The following SEMA6A variants were observed in gnomAD, a reference collection of about 807,000 sequenced individuals.
SEMA6A encodes the protein semaphorin-6A.
SEMA6A carries 25 observed loss-of-function variants against 96.8 expected under a neutral mutation model. The observed-to-expected ratio is 0.26, with a 90% CI of 0.19 to 0.36. SEMA6A has a LOEUF of 0.36. Among genes scored for constraint, SEMA6A ranks in the 10% least tolerant of loss-of-function variants. The pLI, the probability that SEMA6A is intolerant of heterozygous loss-of-function variation, is 1.00. For synonymous variants in SEMA6A, 612 were observed against 518.0 expected, an observed-to-expected ratio of 1.18 and a Z score of -2.46; for missense variants, 1,363 against 1,323.1, an observed-to-expected ratio of 1.03 and a Z score of -0.47.
At chr5:116,473,902 C>A (rs1756304094) in intron 16 of SEMA6A, among the ~76,000 whole-genome samples, 1 of 152,086 alleles carries the variant, frequency 6.6e-6, no homozygotes, top group African/African-American at 2.4e-5. Context: ...AGTGCCTCCG[C>A]AAGAGTGGGG....
chr5:116,487,075 ACTGTTTCT>A, intron 9 of SEMA6A, 109 bp from the exon 10 acceptor site: 1 of 720,410 alleles, frequency 1.4e-6, no homozygotes, highest in South Asian at 1.8e-5. Context: ...GGTGCTTAAT[ACTGTTTCT>A]AAAATCAGTA....
At position 116,488,985 on chromosome 5, in the gene SEMA6A, T is replaced by C. The variant is rs1336146930; in HGVS notation, c.558A>G (p.Thr186=). 3 of 1,574,996 alleles carry C rather than the reference T, an allele frequency of 1.9e-6. No homozygotes were observed. Among genetic ancestry groups the C allele is most frequent in the Admixed American group, 1.8e-5 (1 of 54,486 alleles). The change falls in exon 8 of 19, where the codon ACA becomes ACG. Residue 186 remains threonine, a synonymous_variant. Transcript: ENST00000343348. ...LFADGKLYSA[T]VTDFLAIDAV... ...CGTCAATGGCAAGGAAGTCAGTCAC[T>C]GTGGCTGAGTATAGTTTTCCATCTT...
intron 4 of SEMA6A, among the ~76,000 whole-genome samples, chr5:116,496,532 T>C (rs1376439693): frequency 6.6e-6 from 1 of 152,204 alleles, no homozygotes; most frequent in Non-Finnish European, 1.5e-5. Context: ...CACAAAATGG[T>C]CTTCTTCTGT....
intron 18 of SEMA6A, among the ~76,000 whole-genome samples, chr5:116,455,130 A>AT (rs1241695526): frequency 5.9e-5 from 9 of 152,166 alleles, no homozygotes; most frequent in South Asian, 2.1e-4. Flanking sequence ...ATTCTATTTC[A>AT]TTTTTTTAGA....
intron 1 of SEMA6A, among the ~76,000 whole-genome samples, chr5:116,532,296 G>T (rs927654973): frequency 6.6e-6 from 1 of 152,128 alleles, no homozygotes; most frequent in South Asian, 2.1e-4. Context: ...AGAAGCAACT[G>T]GGGGCCTTCG....
intron 1 of SEMA6A, among the ~76,000 whole-genome samples, chr5:116,563,101 C>A (rs1455790790): frequency 6.6e-6 from 1 of 152,116 alleles, no homozygotes; most frequent in Non-Finnish European, 1.5e-5. Flanking sequence ...TACAATATTC[C>A]CTAGTTGCTA....
In SEMA6A at chr5:116,458,321, G is replaced by A. The variant is rs1755146612; in HGVS notation, c.1894+9262C>T. Among the ~76,000 whole-genome samples the A allele has an allele frequency of 4.6e-5, 7 of 152,268 alleles. No homozygotes were observed. In the South Asian group the frequency reaches 1.5e-3, roughly 32 times the overall value. On this transcript the variant is annotated intron_variant, in intron 18 of 18. Transcript: ENST00000343348. ...TGTTAATAAGATCACACTTAACCTA[G>A]TCCCCGTAGTCCTTGAAAGTTCCAT... is the stretch of plus-strand genomic sequence containing the variant.
chr5:116,565,462 C>T (rs544677564), intron 1 of SEMA6A, among the ~76,000 whole-genome samples: 1 of 152,332 alleles, frequency 6.6e-6, no homozygotes, highest in African/African-American at 2.4e-5. Flanking sequence ...CTAGGGCCAT[C>T]ATTCATGATA....
At chr5:116,566,367 TAAAAG>T (rs1761029328) in intron 1 of SEMA6A, among the ~76,000 whole-genome samples, 1 of 152,206 alleles carries the variant, frequency 6.6e-6, no homozygotes, top group South Asian at 2.1e-4. Context: ...CTAGGAATAT[TAAAAG>T]AAAGCTTCAA....
chr5:116,550,220 T>C (rs1017714529), intron 1 of SEMA6A: 3 of 152,218 alleles, frequency 2.0e-5, no homozygotes, highest in Non-Finnish European at 4.4e-5. Context: ...GCATCCTTGG[T>C]TTTTATTTTA....
At chr5:116,474,278 G>GCGCACACACACA (rs1554083459) in intron 16 of SEMA6A, among the ~76,000 whole-genome samples, 1 of 147,300 alleles carries the variant, frequency 6.8e-6, no homozygotes, top group Non-Finnish European at 1.5e-5. Flanking sequence ...GTGCACGCAT[G>GCGCACACACACA]CACACACACA....
At chr5:116,458,011 A>C (rs1755125744) in intron 18 of SEMA6A, among the ~76,000 whole-genome samples, 1 of 152,140 alleles carries the variant, frequency 6.6e-6, no homozygotes, top group Non-Finnish European at 1.5e-5. Context: ...TTCTCAGGAA[A>C]TTACCTGATT....
chr5:116,566,308 T>C (rs954470252), intron 1 of SEMA6A, among the ~76,000 whole-genome samples: 1 of 152,222 alleles, frequency 6.6e-6, no homozygotes, highest in African/African-American at 2.4e-5. Context: ...TTGAATTTAA[T>C]GTTCTACAGA....
chr5:116,558,445 A>ATT (rs1394445548), intron 1 of SEMA6A, among the ~76,000 whole-genome samples: 1 of 49,442 alleles, frequency 2.0e-5, no homozygotes, highest in Non-Finnish European at 5.2e-5. Flanking sequence ...TCATTTAAGG[A>ATT]TTCTTTTTTT....
intron 1 of SEMA6A, among the ~76,000 whole-genome samples, chr5:116,520,167 C>G (rs1386485671): frequency 1.3e-5 from 2 of 152,088 alleles, no homozygotes. Context: ...ACTTTCTGCT[C>G]TCTCACCTTG....
At chr5:116,471,389 G>GT (rs1355213437) in intron 17 of SEMA6A, 1 of 152,100 alleles carries the variant, frequency 6.6e-6, no homozygotes, top group Non-Finnish European at 1.5e-5. Context: ...ATTGGTCTTG[G>GT]TATGATTGAT....
intron 1 of SEMA6A, among the ~76,000 whole-genome samples, chr5:116,532,546 C>T (rs6890131): frequency 0.082 from 12,443 of 151,982 alleles, 862 homozygotes; most frequent in African/African-American, 0.19. Context: ...TCTGATCCCT[C>T]CCCCCCAGTC....
At chr5:116,493,017 C>T (rs895193151) in intron 6 of SEMA6A, among the ~76,000 whole-genome samples, 1 of 152,192 alleles carries the variant, frequency 6.6e-6, no homozygotes, top group Non-Finnish European at 1.5e-5. Flanking sequence ...ATTCACAGCG[C>T]TAGGCATATT....
intron 1 of SEMA6A, among the ~76,000 whole-genome samples, chr5:116,547,238 G>A (rs2112876100): frequency 6.6e-6 from 1 of 152,258 alleles, no homozygotes; most frequent in Middle Eastern, 3.4e-3. Context: ...GTCCTGAAGA[G>A]GTATAGCATT....
Sources: allele counts gnomAD v4.1 joint callset (sites outside exome capture counted in the v4.1 genomes callset), GRCh38; gene constraint gnomAD v4.1.1; transcripts MANE v1.5; gene names NCBI Gene and HGNC (gene_info 2026-07-23, HGNC 2026-07-21).